Variants in SLC24A3 observed in about 807,000 individuals in gnomAD.
SLC24A3 encodes sodium/potassium/calcium exchanger 3.
In SLC24A3, 28 loss-of-function variants were observed where a neutral mutation model predicts 75.8. The observed-to-expected ratio is 0.37, with a 90% CI of 0.27 to 0.51. SLC24A3 has a LOEUF of 0.51. Among genes scored for constraint, SLC24A3 ranks in the 20% least tolerant of loss-of-function variants. The pLI is 0.94. For synonymous variants in SLC24A3, 372 were observed against 334.1 expected, an observed-to-expected ratio of 1.11 and a Z score of -1.24; for missense variants, 663 against 847.8, an observed-to-expected ratio of 0.78 and a Z score of 2.71.
chr20:19,688,027 T>C (rs1016497301), intron 12 of SLC24A3, among the ~76,000 whole-genome samples: 3 of 152,152 alleles, frequency 2.0e-5, no homozygotes, highest in Admixed American at 6.5e-5. Flanking sequence ...GAAGAGACGA[T>C]ACTCTGTGTG....
intron 15 of SLC24A3, 66 bp downstream of exon 15, chr20:19,698,746 G>A: frequency 8.2e-7 from 1 of 1,224,714 alleles, no homozygotes; most frequent in Non-Finnish European, 1.2e-6. Flanking sequence ...TAACAGCCTT[G>A]GCCACAGGGT....
intron 6 of SLC24A3, among the ~76,000 whole-genome samples, chr20:19,643,396 A>C (rs1377733413): frequency 6.6e-6 from 1 of 152,240 alleles, no homozygotes; most frequent in Non-Finnish European, 1.5e-5. Context: ...ATGAAACCAG[A>C]AAACCTTGGA....
intron 2 of SLC24A3, among the ~76,000 whole-genome samples, chr20:19,454,367 C>T (rs548277299): frequency 1.0e-3 from 153 of 152,214 alleles, no homozygotes; most frequent in African/African-American, 3.6e-3. Context: ...GTTTTTCAGG[C>T]TAATAGTTCA....
At position 19,301,632 on chromosome 20, in the gene SLC24A3, G is replaced by A. The variant is rs187405251; in HGVS notation, c.271+20545G>A. Among the ~76,000 whole-genome samples the A allele has an allele frequency of 8.7e-4, 133 of 152,246 alleles. 1 individual carries two copies. The highest frequency in any genetic ancestry group is 3.0e-3 in the African/African-American group (125 of 41,542). On this transcript the variant is annotated intron_variant, in intron 2 of 16. Coordinates refer to ENST00000328041, the MANE Select transcript of SLC24A3 (RefSeq NM_020689.4). ...TATCTTGAATTCTATAAAGTAAGTC[G>A]TATTTCTTTTCCTCATGGCATACTT...
intron 1 of SLC24A3, among the ~76,000 whole-genome samples, chr20:19,224,121 AGTGT>A (rs11470026): frequency 0.01 from 1,525 of 149,118 alleles, 8 homozygotes; most frequent in African/African-American, 0.018. Context: ...TGAGTGTGTG[AGTGT>A]GTGTGTGTGT....
intron 1 of SLC24A3, among the ~76,000 whole-genome samples, chr20:19,259,893 C>T (rs941697060): frequency 1.3e-5 from 2 of 152,126 alleles, no homozygotes; most frequent in East Asian, 3.8e-4. Flanking sequence ...TTCCTTTTAA[C>T]AAAGTAGGTC....
chr20:19,583,612 C>T (rs747767366), intron 4 of SLC24A3, among the ~76,000 whole-genome samples: 25 of 152,116 alleles, frequency 1.6e-4, no homozygotes, highest in Non-Finnish European at 3.1e-4. Context: ...AGAGGGGAAA[C>T]GGACATGAAC....
chr20:19,363,469 A>G (rs755764946), intron 2 of SLC24A3, among the ~76,000 whole-genome samples: 61 of 152,254 alleles, frequency 4.0e-4, no homozygotes, highest in Non-Finnish European at 4.3e-4. Flanking sequence ...TTAGAATAAA[A>G]GAAGAAAACA....
chr20:19,410,997 T>C (rs1056055319), intron 2 of SLC24A3, among the ~76,000 whole-genome samples: 7 of 152,206 alleles, frequency 4.6e-5, no homozygotes, highest in Admixed American at 4.6e-4. Context: ...CACATAATGC[T>C]GTTCTGCTTT....
intron 7 of SLC24A3, among the ~76,000 whole-genome samples, chr20:19,655,053 C>T (rs2032250330): frequency 1.3e-5 from 2 of 152,166 alleles, no homozygotes; most frequent in South Asian, 4.1e-4. Flanking sequence ...TGACCTTTCC[C>T]TCAACTCCCA....
intron 2 of SLC24A3, among the ~76,000 whole-genome samples, chr20:19,373,468 C>T (rs78889006): frequency 0.01 from 1,588 of 152,292 alleles, 26 homozygotes; most frequent in African/African-American, 0.037. Flanking sequence ...CCTGAGCACT[C>T]AGCAGGCAGA....
intron 2 of SLC24A3, among the ~76,000 whole-genome samples, chr20:19,301,328 G>A (rs1984190527): frequency 6.6e-6 from 1 of 152,176 alleles, no homozygotes; most frequent in African/African-American, 2.4e-5. Context: ...GCTGGAGCAG[G>A]ACACCTATCC....
At chr20:19,218,508 G>A (rs934743070) in intron 1 of SLC24A3, among the ~76,000 whole-genome samples, 3 of 152,176 alleles carry the variant, frequency 2.0e-5, no homozygotes, top group African/African-American at 7.2e-5. Flanking sequence ...TGAGGAGTAA[G>A]GAGTAACAGA....
At chr20:19,561,755 A>G (rs2030878071) in intron 3 of SLC24A3, among the ~76,000 whole-genome samples, 1 of 152,356 alleles carries the variant, frequency 6.6e-6, no homozygotes. Context: ...TAAAACAACC[A>G]TATGAGGTTG....
intron 2 of SLC24A3, among the ~76,000 whole-genome samples, chr20:19,385,676 A>G (rs538844210): frequency 2.0e-5 from 3 of 149,336 alleles, no homozygotes; most frequent in East Asian, 3.9e-4. Context: ...GGGTCTCACT[A>G]TGTCACCCAG....
At position 19,665,881 on chromosome 20, in the gene SLC24A3, A is replaced by C. The variant is rs751918306; in HGVS notation, c.705A>C (p.Lys235Asn). Reference sequence around the variant, plus strand: ...TTTCACAGTTTATTTATGATGAAAAAGTTTCCTGGTAAGTACCTCTCTTTC... The same window carrying C: ...TTTCACAGTTTATTTATGATGAAAACGTTTCCTGGTAAGTACCTCTCTTTC... Reference protein sequence around the residue: ...IALIVFIYDEKVSWWESLVLV... With the variant: ...IALIVFIYDENVSWWESLVLV... Residue 235 changes from lysine (K) to asparagine (N), a missense_variant, in exon 8 of 17, where the codon AAA becomes AAC. Coordinates refer to ENST00000328041, the MANE Select transcript of SLC24A3 (RefSeq NM_020689.4). 1 of 1,610,748 alleles carries C rather than the reference A, an allele frequency of 6.2e-7. No homozygotes were observed. Among genetic ancestry groups the C allele is most frequent in the Admixed American group, 1.7e-5 (1 of 59,806 alleles).
chr20:19,626,333 C>G (rs2031865612), intron 6 of SLC24A3, among the ~76,000 whole-genome samples: 1 of 152,118 alleles, frequency 6.6e-6, no homozygotes, highest in Non-Finnish European at 1.5e-5. Flanking sequence ...AGGCATGAAG[C>G]AGACCAAGAA....
At chr20:19,279,652 C>T (rs1400162115) in intron 1 of SLC24A3, among the ~76,000 whole-genome samples, 1 of 152,146 alleles carries the variant, frequency 6.6e-6, no homozygotes, top group African/African-American at 2.4e-5. Flanking sequence ...CCTGGTGCCC[C>T]CTCTTCTCCA....
intron 2 of SLC24A3, 115 bp from the exon 3 acceptor site, chr20:19,515,373 G>A: frequency 2.0e-6 from 2 of 994,288 alleles, no homozygotes; most frequent in South Asian, 2.9e-5. Context: ...TAAAGATTCA[G>A]GATCTTTTTT....
Sources: allele counts gnomAD v4.1 joint callset (sites outside exome capture counted in the v4.1 genomes callset), GRCh38; gene constraint gnomAD v4.1.1; transcripts MANE v1.5; gene names NCBI Gene and HGNC (gene_info 2026-07-23, HGNC 2026-07-21).